The following SETD1A variants were observed in gnomAD, a reference collection of about 807,000 sequenced individuals.
The protein encoded by SETD1A is SET domain containing 1A, histone lysine methyltransferase, also known as histone-lysine N-methyltransferase SETD1A.
Under a neutral mutation model 149.9 loss-of-function variants are expected in SETD1A, and 29 were observed. The ratio of observed to expected loss-of-function variants is 0.19; its 90% CI spans 0.14 to 0.26. SETD1A has a LOEUF of 0.26. Ranked by LOEUF, SETD1A falls within the 10% of genes least tolerant of loss-of-function variation. The pLI, the probability that SETD1A is intolerant of heterozygous loss-of-function variation, is 1.00. For synonymous variants in SETD1A, 1,141 were observed against 968.5 expected, an observed-to-expected ratio of 1.18 and a Z score of -3.31; for missense variants, 2,109 against 2,353.1, an observed-to-expected ratio of 0.90 and a Z score of 2.15.
chr16:30,971,484 C>G lies in SETD1A; in HGVS notation c.3123C>G (p.Ser1041=), dbSNP rs1567357703. Residue 1041 remains serine, a synonymous_variant, in exon 13 of 19, where the codon TCC becomes TCG. Coordinates refer to ENST00000262519, the MANE Select transcript of SETD1A (RefSeq NM_014712.3). ...CCGAGAGCAGCAGCTCTTCCAGCTC[C>G]TCATCCTCCTCCTCCTCCTCGTCCT... ...SDSESSSSSS[S]SSSSSSSSSS... is the part of the protein sequence containing the mutation. The G allele has an allele frequency of 6.2e-7, 1 of 1,614,022 alleles. No individual in the cohort carries two copies. The highest frequency in any genetic ancestry group is 8.5e-7 in the Non-Finnish European group (1 of 1,179,990).
At position 30,961,789 on chromosome 16, in the gene SETD1A, T is replaced by C. The variant is rs190350859; in HGVS notation, c.517+252T>C. ...TATCTGTAAAAAAAAAAAAAAATCATATGAAGGGTTGTACTAGGTAAGATG... is the reference window on the plus strand; with the variant it reads ...TATCTGTAAAAAAAAAAAAAAATCACATGAAGGGTTGTACTAGGTAAGATG... On this transcript the variant is annotated intron_variant, in intron 4 of 18. Coordinates refer to ENST00000262519, the MANE Select transcript of SETD1A (RefSeq NM_014712.3). This position sits in a 1 kb window ranked among gnomAD's most constrained non-coding sequence, Gnocchi z 4.0. Among the ~76,000 whole-genome samples, 27 of 151,670 alleles carry C rather than the reference T, an allele frequency of 1.8e-4. No individual in the cohort carries two copies. Among genetic ancestry groups the C allele is most frequent in the Admixed American group, 1.7e-3 (26 of 15,220 alleles).
At chr16:30,969,239 C>T in intron 10 of SETD1A, 66 bp from the exon 11 acceptor site, 6 of 1,507,396 alleles carry the variant, frequency 4.0e-6, no homozygotes, top group Admixed American at 1.9e-5. Context: ...ATGTAAAGCC[C>T]CTTGCACAGG....
chr16:30,979,277 G>A lies in SETD1A; in HGVS notation c.3491G>A (p.Arg1164His), dbSNP rs1429999668. Reference protein sequence around the residue: ...PIPLLPPPKKRRKTVSFSAIE... With the variant: ...PIPLLPPPKKHRKTVSFSAIE... ...CCCCTCCTGCCCCCACCCAAGAAAC[G>A]CCGGAAAACTGTCTCCTTCTCTGCC... Residue 1164 changes from arginine (R) to histidine (H), a missense_variant, in exon 14 of 19, where the codon CGC becomes CAC. Coordinates refer to ENST00000262519, the MANE Select transcript of SETD1A (RefSeq NM_014712.3). 6 of 1,398,162 alleles carry A rather than the reference G, an allele frequency of 4.3e-6. No homozygotes were observed. The highest frequency in any genetic ancestry group is 5.7e-6 in the Non-Finnish European group (6 of 1,049,478). 86.6% of individuals were successfully genotyped at this position (1,398,162 alleles called of 1,614,324 possible).
chr16:30,967,048 G>A lies in SETD1A; in HGVS notation c.2670G>A (p.Leu890=), dbSNP rs2056158262. ...FGSGLRGALR[L]PSFKVKRKEP... Reference sequence around the variant, plus strand: ...CAGGGCTGAGAGGGGCCCTGCGGCTGCCTTCATTCAAGGTACTCAGAACTG... The same window carrying A: ...CAGGGCTGAGAGGGGCCCTGCGGCTACCTTCATTCAAGGTACTCAGAACTG... Residue 890 remains leucine, a synonymous_variant, in exon 9 of 19, where the codon CTG becomes CTA. Coordinates refer to ENST00000262519, the MANE Select transcript of SETD1A (RefSeq NM_014712.3). 1 of 1,589,628 alleles carries A rather than the reference G, an allele frequency of 6.3e-7. No homozygotes were observed. The highest frequency in any genetic ancestry group is 8.5e-7 in the Non-Finnish European group (1 of 1,169,772).
chr16:30,963,343 G>A, intron 4 of SETD1A, 90 bp from the exon 5 acceptor site: 2 of 1,277,364 alleles, frequency 1.6e-6, no homozygotes, highest in Non-Finnish European at 2.1e-6. Flanking sequence ...GAAATTGTAG[G>A]AAACTTGAGG....
At chr16:30,981,237 G>A in intron 17 of SETD1A, 57 bp downstream of exon 17, 2 of 1,602,966 alleles carry the variant, frequency 1.2e-6, no homozygotes, top group South Asian at 1.1e-5. Flanking sequence ...CAGCATGGGG[G>A]CTCACACACA....
intron 4 of SETD1A, among the ~76,000 whole-genome samples, chr16:30,962,179 C>T (rs771673852): frequency 1.3e-5 from 2 of 151,760 alleles, no homozygotes; most frequent in African/African-American, 2.4e-5. Flanking sequence ...ATTCTTCTGC[C>T]TCAGCCTCTT....
At position 30,980,261 on chromosome 16, in the gene SETD1A, CTG is replaced by C. The variant is rs2056354820; in HGVS notation, c.4408+70_4408+71del. 8.6e-6 allele frequency: 13 copies of C among 1,505,130 alleles called. No homozygotes were observed. Among genetic ancestry groups the C allele is most frequent in the Non-Finnish European group, 1.1e-5 (12 of 1,125,466 alleles). The allele number at this position is 1,505,130 out of a possible 1,614,324, so 93.2% of individuals were successfully genotyped here. Reference sequence around the variant, plus strand: ...CCCCGACCCCTCCAGGCACCTGCATCTGTGCCCCACTCTGTCTGCCTCCCCTC... The same window carrying C: ...CCCCGACCCCTCCAGGCACCTGCATCTGCCCCACTCTGTCTGCCTCCCCTC... On this transcript the variant is annotated intron_variant, in intron 14 of 18. Coordinates refer to ENST00000262519, the MANE Select transcript of SETD1A (RefSeq NM_014712.3). This position sits in a 1 kb window ranked among gnomAD's most constrained non-coding sequence, Gnocchi z 7.7.
chr16:30,981,306 AC>A, intron 17 of SETD1A, 126 bp downstream of exon 17: 1 of 1,241,104 alleles, frequency 8.1e-7, no homozygotes, highest in Non-Finnish European at 1.1e-6. Flanking sequence ...AGCCAGTGAG[AC>A]CAGCCTCCCT....
intron 13 of SETD1A, among the ~76,000 whole-genome samples, chr16:30,972,987 G>A (rs1208879103): frequency 1.3e-5 from 2 of 152,198 alleles, no homozygotes; most frequent in East Asian, 3.9e-4. Flanking sequence ...GTACTGCTGG[G>A]CTGAAGTCTG....
At position 30,961,324 on chromosome 16, in the gene SETD1A, A is replaced by C; in HGVS notation, c.304A>C (p.Asn102His). 6.2e-7 allele frequency: 1 copy of C among 1,614,178 alleles called. No individual in the cohort carries two copies. Among genetic ancestry groups the C allele is most frequent in the Non-Finnish European group, 8.5e-7 (1 of 1,180,028 alleles). The change falls in exon 4 of 19, where the codon AAT (asparagine) becomes CAT (histidine). Residue 102 changes from asparagine to histidine, a missense_variant. Transcript: ENST00000262519. The surrounding 1 kb of genome is among the most constrained non-coding windows in gnomAD (Gnocchi z 4.0). ...PLKEVTFARL[N>H]DNVRETFLKD... ...GAAGGAAGTGACTTTTGCAAGGCTG[A>C]ATGACAACGTGCGGGAGACCTTCCT...
chr16:30,965,170 C>A lies in SETD1A; in HGVS notation c.1428C>A (p.Thr476=). 1.2e-6 allele frequency: 2 copies of A among 1,613,920 alleles called. No individual in the cohort carries two copies. Among genetic ancestry groups the A allele is most frequent in the South Asian group, 2.2e-5 (2 of 91,086 alleles). Residue 476 remains threonine (T), a synonymous_variant, in exon 7 of 19, where the codon ACC becomes ACA. Coordinates refer to ENST00000262519, the MANE Select transcript of SETD1A (RefSeq NM_014712.3). Reference sequence around the variant, plus strand: ...CTGGCTCCCCAGCCCCGGAGACCACCAATGAGAGTGTGCCCTTCGCCCAGC... The same window carrying A: ...CTGGCTCCCCAGCCCCGGAGACCACAAATGAGAGTGTGCCCTTCGCCCAGC... ...ARSGSPAPET[T]NESVPFAQHS...
In SETD1A at chr16:30,959,118, C is replaced by A. The variant is rs745564801; in HGVS notation, c.178C>A (p.Leu60Ile). 2.5e-6 allele frequency: 4 copies of A among 1,613,626 alleles called. No homozygotes were observed. In the African/African-American group the frequency reaches 5.3e-5, roughly 22 times the overall value. Residue 60 changes from leucine to isoleucine, a missense_variant, in exon 3 of 19, where the codon CTC becomes ATC. By Grantham distance (5) the Leu-to-Ile change is conservative (BLOSUM62 2). Transcript: ENST00000262519. ...NDSKYIPVED[L>I]QDPRCHVRSK... ...CTCAAAGTATATACCAGTCGAAGACCTCCAAGACCCCCGTTGCCATGTCAG... is the reference window on the plus strand; with the variant it reads ...CTCAAAGTATATACCAGTCGAAGACATCCAAGACCCCCGTTGCCATGTCAG...
chr16:30,964,340 G>T lies in SETD1A; in HGVS notation c.869+17G>T, dbSNP rs754822452. 6.3e-7 allele frequency: 1 copy of T among 1,598,778 alleles called. No individual in the cohort carries two copies. Among genetic ancestry groups the T allele is most frequent in the African/African-American group, 1.3e-5 (1 of 74,612 alleles). ...CTCCAGCAGGTACAGAGCAGACCCC[G>T]CCTGGGGCCCCGCCCGCAAAGTCTG... On this transcript the variant is annotated intron_variant, in intron 6 of 18. Coordinates refer to ENST00000262519, the MANE Select transcript of SETD1A (RefSeq NM_014712.3).
Position 30,965,433 on chromosome 16 carries a change from A to G in SETD1A, c.1691A>G (p.Glu564Gly). 6.2e-7 allele frequency: 1 copy of G among 1,601,734 alleles called. No individual in the cohort carries two copies. Among genetic ancestry groups the G allele is most frequent in the East Asian group, 2.3e-5 (1 of 44,438 alleles). The change falls in exon 7 of 19, where the codon GAG becomes GGG. Residue 564 changes from glutamate to glycine, a missense_variant. Physicochemically the swap from Glu to Gly is moderately conservative, Grantham distance 98. Around this residue, in one of 8 missense-constraint regions of SETD1A, gnomAD observed 431 missense variants for 388.6 expected, o/e 1.11. Coordinates refer to ENST00000262519, the MANE Select transcript of SETD1A (RefSeq NM_014712.3). Reference protein sequence around the residue: ...TGSGEPGATRESPKANGQNQA... With the variant: ...TGSGEPGATRGSPKANGQNQA... Reference sequence around the variant, plus strand: ...AGCGGGGAGCCAGGGGCTACCCGGGAGTCTCCCAAGGCAAATGGACAGAAC... The same window carrying G: ...AGCGGGGAGCCAGGGGCTACCCGGGGGTCTCCCAAGGCAAATGGACAGAAC...
chr16:30,977,707 C>T (rs958522790), intron 13 of SETD1A, among the ~76,000 whole-genome samples: 1 of 152,226 alleles, frequency 6.6e-6, no homozygotes, highest in African/African-American at 2.4e-5. Context: ...CAGGCTGAGA[C>T]CCCAGCGGGT....
chr16:30,978,303 C>T (rs1197143157), intron 13 of SETD1A, among the ~76,000 whole-genome samples: 2 of 151,116 alleles, frequency 1.3e-5, no homozygotes, highest in African/African-American at 2.4e-5. Context: ...ATAGGAACCT[C>T]TTTGGGCTGT....
intron 1 of SETD1A, 90 bp downstream of exon 1, chr16:30,958,054 CGCTGCCGCCGCCTCGCGCCGCTGA>C (rs2055988208): frequency 6.7e-6 from 1 of 150,254 alleles, no homozygotes; most frequent in Non-Finnish European, 1.5e-5. Flanking sequence ...CTCGCGCTGC[CGCTGCCGCCGCCTCGCGCCGCTGA>C]GGTGCCGCGC....
At chr16:30,965,553 G>T (rs1193611998) in intron 7 of SETD1A, 48 bp from the exon 8 acceptor site, 1 of 1,599,450 alleles carries the variant, frequency 6.3e-7, no homozygotes, top group Non-Finnish European at 8.5e-7. Context: ...GAGAAAGTAG[G>T]GCTTGGGTCA....
Sources: gnomAD v4.1 joint callset for allele counts (sites outside exome capture counted in the v4.1 genomes callset) on GRCh38, gnomAD v4.1.1 for gene constraint, gnomAD v4.1.1 regional missense constraint, Gnocchi (gnomAD v3.1) non-coding constraint, MANE v1.5 for transcripts, NCBI Gene and HGNC (gene_info 2026-07-23, HGNC 2026-07-21) for gene names.